Variants in LINGO2 observed in about 807,000 individuals in gnomAD.
The protein encoded by LINGO2 is leucine-rich repeat and immunoglobulin-like domain-containing nogo receptor-interacting protein 2.
Under a neutral mutation model 30.6 loss-of-function variants are expected in LINGO2, and 14 were observed. That is an observed-to-expected ratio of 0.46 (90% CI 0.30 to 0.72). The LOEUF (loss-of-function observed/expected upper bound fraction) is 0.72. LINGO2 is among the 30% of genes least tolerant of loss of function. The probability of loss-of-function intolerance (pLI) is 0.07; values close to 1 mark genes in which losing one functional copy is unlikely to be tolerated. For synonymous variants in LINGO2, 317 were observed against 288.5 expected (o/e 1.10, Z -1.00); for missense variants, 729 against 751.7 (o/e 0.97, Z 0.35).
chr9:28,423,228 G>C (rs920893732), intron 2 of LINGO2, among the ~76,000 whole-genome samples: 2 of 151,948 alleles, frequency 1.3e-5, no homozygotes, highest in African/African-American at 4.8e-5. Flanking sequence ...TTCCTTTTTT[G>C]AGTAAAGCTT....
At chr9:28,661,545 C>T (rs553105312) in intron 1 of LINGO2, among the ~76,000 whole-genome samples, 2 of 152,286 alleles carry the variant, frequency 1.3e-5, no homozygotes, top group South Asian at 4.1e-4. Context: ...ACTTTATAAG[C>T]ACTATTTCCT....
At chr9:28,735,717 C>A in the LINGO2 span, among the ~76,000 whole-genome samples, 1 of 151,842 alleles carries the variant, frequency 6.6e-6, no homozygotes, top group African/African-American at 2.4e-5. Context: ...TAATGACATT[C>A]TTTTAATTAT....
intron 4 of LINGO2, among the ~76,000 whole-genome samples, chr9:28,191,737 C>T (rs73445947): frequency 0.035 from 5,343 of 152,200 alleles, 280 homozygotes; most frequent in African/African-American, 0.11. Context: ...CTTCCTTGAC[C>T]TCTCAGCAGA....
the LINGO2 span, among the ~76,000 whole-genome samples, chr9:28,868,265 G>C: frequency 1.3e-5 from 2 of 152,024 alleles, no homozygotes; most frequent in African/African-American, 4.8e-5. Flanking sequence ...TTATACTCCA[G>C]GAAGTATTTT....
intron 4 of LINGO2, among the ~76,000 whole-genome samples, chr9:28,134,283 G>T (rs1021126561): frequency 6.6e-6 from 1 of 152,086 alleles, no homozygotes; most frequent in Non-Finnish European, 1.5e-5. Flanking sequence ...GACAGAGAAA[G>T]AAATCAATAA....
intron 1 of LINGO2, among the ~76,000 whole-genome samples, 160 bp downstream of exon 3, chr9:28,670,040 T>A (rs4879257): frequency 0.38 from 57,442 of 151,716 alleles, 12,134 homozygotes; most frequent in African/African-American, 0.55. Flanking sequence ...ACTTTGGGGC[T>A]AACAAATTAG....
chr9:28,983,465 T>A, the LINGO2 span, among the ~76,000 whole-genome samples: 2 of 151,766 alleles, frequency 1.3e-5, no homozygotes, highest in African/African-American at 4.8e-5. Context: ...AAATACATAA[T>A]ATAGTAATAA....
intron 1 of LINGO2, among the ~76,000 whole-genome samples, chr9:28,568,055 G>C (rs1343972828): frequency 1.3e-5 from 2 of 152,008 alleles, no homozygotes; most frequent in African/African-American, 4.8e-5. Context: ...AACTGAAGTA[G>C]GTGTGACATC....
At chr9:28,311,817 A>G (rs915513051) in intron 3 of LINGO2, among the ~76,000 whole-genome samples, 1 of 152,188 alleles carries the variant, frequency 6.6e-6, no homozygotes, top group Non-Finnish European at 1.5e-5. Flanking sequence ...TACGAAGATG[A>G]TGGGATTAAG....
chr9:28,886,736 A>G, the LINGO2 span, among the ~76,000 whole-genome samples: 1 of 152,122 alleles, frequency 6.6e-6, no homozygotes, highest in Non-Finnish European at 1.5e-5. Flanking sequence ...AGTGTCATCT[A>G]CAGAATCCTA....
At chr9:28,238,200 C>T (rs72709319) in intron 4 of LINGO2, among the ~76,000 whole-genome samples, 2 of 151,988 alleles carry the variant, frequency 1.3e-5, no homozygotes, top group Admixed American at 1.3e-4. Context: ...GAGATTTCAA[C>T]ACCCCACTTT....
chr9:28,721,997 G>A, the LINGO2 span, among the ~76,000 whole-genome samples: 2 of 151,880 alleles, frequency 1.3e-5, no homozygotes, highest in Non-Finnish European at 1.5e-5. Flanking sequence ...AAATCTTCAT[G>A]AGGGGAAATA....
intron 1 of LINGO2, among the ~76,000 whole-genome samples, chr9:28,497,562 A>C (rs1819690360): frequency 6.6e-6 from 1 of 152,142 alleles, no homozygotes; most frequent in Non-Finnish European, 1.5e-5. Context: ...TCATTCGTCT[A>C]ATCTTTTTTC....
the LINGO2 span, among the ~76,000 whole-genome samples, chr9:28,676,131 T>C: frequency 6.6e-6 from 1 of 151,064 alleles, no homozygotes; most frequent in African/African-American, 2.4e-5. Context: ...AACTGAAACA[T>C]GGCATTAATT....
the LINGO2 span, among the ~76,000 whole-genome samples, chr9:28,908,113 T>G: frequency 6.7e-6 from 1 of 149,914 alleles, no homozygotes; most frequent in African/African-American, 2.5e-5. Context: ...TTATAGAAAC[T>G]ATTACATCTT....
At chr9:28,833,056 T>G in the LINGO2 span, among the ~76,000 whole-genome samples, 3 of 152,280 alleles carry the variant, frequency 2.0e-5, no homozygotes, top group East Asian at 5.8e-4. Flanking sequence ...GCATAGAATC[T>G]TATAGTTTTA....
chr9:28,638,920 A>T (rs1827427631), intron 1 of LINGO2, among the ~76,000 whole-genome samples: 1 of 151,966 alleles, frequency 6.6e-6, no homozygotes, highest in Non-Finnish European at 1.5e-5. Flanking sequence ...TTAAGGTGTC[A>T]ATTTTAGCTC....
At chr9:28,064,042 G>T (rs79923633) in intron 4 of LINGO2, among the ~76,000 whole-genome samples, 1 of 152,092 alleles carries the variant, frequency 6.6e-6, no homozygotes, top group Non-Finnish European at 1.5e-5. Context: ...CAAAAACAAT[G>T]TGTGATCATT....
At chr9:28,528,415 C>T (rs914347189) in intron 1 of LINGO2, among the ~76,000 whole-genome samples, 28 of 152,126 alleles carry the variant, frequency 1.8e-4, no homozygotes, top group African/African-American at 5.8e-4. Flanking sequence ...AAACCCTCAG[C>T]ACCAACATGA....
Sources: gnomAD v4.1 joint callset for allele counts (sites outside exome capture counted in the v4.1 genomes callset) on GRCh38, gnomAD v4.1.1 for gene constraint, MANE v1.5 for transcripts, NCBI Gene and HGNC (gene_info 2026-07-23, HGNC 2026-07-21) for gene names.